Variants in CSN1S1 observed in about 807,000 individuals in gnomAD.
The protein encoded by CSN1S1 is casein alpha s1.
CSN1S1 carries 63 observed loss-of-function variants against 49.1 expected under a neutral mutation model. That is an observed-to-expected ratio of 1.28 (90% CI 1.05 to 1.58). The LOEUF (loss-of-function observed/expected upper bound fraction) is 1.58, where lower values mean the gene tolerates loss of function less well. Among genes scored for constraint, CSN1S1 ranks in the 40% most tolerant of loss-of-function variants. The pLI is 0.00. For synonymous variants in CSN1S1, 78 were observed against 67.1 expected, an observed-to-expected ratio of 1.16 and a Z score of -0.79; for missense variants, 260 against 224.7, an observed-to-expected ratio of 1.16 and a Z score of -1.01.
At position 69,940,050 on chromosome 4, in the gene CSN1S1, A is replaced by T. The variant is rs919002585; in HGVS notation, c.300+6A>T. 20 of 1,368,172 alleles carry T rather than the reference A, an allele frequency of 1.5e-5. No individual in the cohort carries two copies. In the African/African-American group the frequency reaches 2.1e-4, roughly 14 times the overall value. The allele number at this position is 1,368,172 out of a possible 1,614,324, so 84.8% of individuals were successfully genotyped here. ...TGTCTCTCAGTAAGTGTGCGGTAAGACATATTTGCTAAATTTAAAATATAT... is the reference window on the plus strand; with the variant it reads ...TGTCTCTCAGTAAGTGTGCGGTAAGTCATATTTGCTAAATTTAAAATATAT... On this transcript the variant is annotated splice_donor_region_variant and intron_variant, in intron 11 of 15. Coordinates refer to ENST00000246891, the MANE Select transcript of CSN1S1 (RefSeq NM_001890.2).
In CSN1S1 at chr4:69,934,238, C is replaced by T. The variant is rs1307806428; in HGVS notation, c.78C>T (p.Arg26=). The change falls in exon 3 of 16, where the codon CGC becomes CGT. Residue 26 remains arginine, a synonymous_variant. Coordinates refer to ENST00000246891, the MANE Select transcript of CSN1S1 (RefSeq NM_001890.2). ...AACTTCCTCTTAGATACCCAGAACG[C>T]CTTCAGGTAAATATTCTATTCTGCA... ...RPKLPLRYPE[R]LQNPSESSEP... is the part of the protein sequence containing the mutation. 2 of 1,610,594 alleles carry T rather than the reference C, an allele frequency of 1.2e-6. No individual in the cohort carries two copies. The highest frequency in any genetic ancestry group is 2.2e-5 in the East Asian group (1 of 44,694).
At chr4:69,942,660 T>C in intron 14 of CSN1S1, 83 bp downstream of exon 14, 1 of 1,080,890 alleles carries the variant, frequency 9.3e-7, no homozygotes. Context: ...CCCCTACTCT[T>C]GAAGAGATTT....
chr4:69,937,029 G>A, intron 7 of CSN1S1, 92 bp from the exon 8 acceptor site: 1 of 925,888 alleles, frequency 1.1e-6, no homozygotes, highest in East Asian at 2.7e-5. Context: ...TAGTAGAATT[G>A]GTATTGAGAG....
At chr4:69,934,785 A>G in intron 4 of CSN1S1, 75 bp downstream of exon 4, 1 of 1,307,366 alleles carries the variant, frequency 7.6e-7, no homozygotes, top group Non-Finnish European at 1.1e-6. Flanking sequence ...TGCATGTTGA[A>G]TGTCTTCTTC....
intron 11 of CSN1S1, 52 bp from the exon 12 acceptor site, chr4:69,940,967 G>A (rs1230779330): frequency 1.1e-6 from 1 of 903,278 alleles, no homozygotes; most frequent in Non-Finnish European, 1.7e-6. Flanking sequence ...AAAATGATGG[G>A]GTTGGACTGA....
rs114255652 is a variant in CSN1S1 at position 69,945,071 on chromosome 4, G to A, written c.557+67G>A. On this transcript the variant is annotated intron_variant, in intron 15 of 15. Transcript: ENST00000246891. The stretch of plus-strand genomic sequence containing the variant: ...GGAATGAAATAGAATAGCTTGGAGA[G>A]GATACCATAAGAACAGATTTAGATT... 6,403 of 1,531,400 alleles carry A rather than the reference G, an allele frequency of 4.2e-3. 220 individuals are homozygous for A. The African/African-American group carries it at 0.077, about 18-fold the overall frequency. The allele number at this position is 1,531,400 out of a possible 1,614,324, so 94.9% of individuals were successfully genotyped here. A position where few individuals can be genotyped will look rare whatever the true frequency, so the allele number is the denominator to read the frequency against.
At chr4:69,938,528 T>A (rs1452395575) in intron 9 of CSN1S1, among the ~76,000 whole-genome samples, 5 of 151,662 alleles carry the variant, frequency 3.3e-5, no homozygotes, top group Admixed American at 6.6e-5. Flanking sequence ...ACAATTATAT[T>A]TTTTTAAATG....
chr4:69,937,880 A>G, intron 9 of CSN1S1, 57 bp downstream of exon 9: 2 of 1,180,006 alleles, frequency 1.7e-6, no homozygotes, highest in Non-Finnish European at 1.2e-6. Flanking sequence ...TAGTATATGC[A>G]GCATGCTTCA....
At chr4:69,940,269 A>C (rs1722932920) in intron 11 of CSN1S1, among the ~76,000 whole-genome samples, 1 of 151,640 alleles carries the variant, frequency 6.6e-6, no homozygotes, top group African/African-American at 2.4e-5. Flanking sequence ...TATCCTTTTC[A>C]ATATCTGCTA....
chr4:69,939,940 G>T, intron 10 of CSN1S1, 81 bp from the exon 11 acceptor site: 2 of 828,126 alleles, frequency 2.4e-6, no homozygotes, highest in South Asian at 1.8e-5. Flanking sequence ...TTTAGTAATA[G>T]TTTTGTTGAT....
At chr4:69,932,718 A>G (rs2306995) in intron 2 of CSN1S1, 112 bp downstream of exon 2, 83,706 of 950,748 alleles carry the variant, frequency 0.088, 4,212 homozygotes, top group Middle Eastern at 0.18. Flanking sequence ...GATGATCTCT[A>G]ATTGGCCTCT....
intron 14 of CSN1S1, among the ~76,000 whole-genome samples, chr4:69,943,134 G>A (rs1001681043): frequency 3.4e-5 from 5 of 149,162 alleles, no homozygotes; most frequent in African/African-American, 7.4e-5. Context: ...GGGCCCCAAA[G>A]AATTACTTGG....
intron 13 of CSN1S1, among the ~76,000 whole-genome samples, chr4:69,942,279 T>A (rs1290204378): frequency 2.6e-5 from 4 of 151,880 alleles, no homozygotes; most frequent in African/African-American, 9.7e-5. Context: ...AAATGGTAGG[T>A]TATTATTTTT....
intron 8 of CSN1S1, 65 bp from the exon 9 acceptor site, chr4:69,937,735 A>G: frequency 8.0e-7 from 1 of 1,251,896 alleles, no homozygotes; most frequent in Non-Finnish European, 1.1e-6. Flanking sequence ...TTATTTGGTA[A>G]TCATTACTTT....
rs766772392 is a variant in CSN1S1, at chr4:69,946,493, T to TA, written c.*299dup. On this transcript the variant is annotated 3_prime_UTR_variant, in exon 16 of 16. Transcript: ENST00000246891. Reference sequence around the variant, plus strand: ...AAAAGTCTTTGAATTGCCAGTTCTGTAAGTGCCATCAATTAAAATAGTTTT... The same window carrying TA: ...AAAAGTCTTTGAATTGCCAGTTCTGTAAAGTGCCATCAATTAAAATAGTTTT... 8 of 182,756 alleles carry TA rather than the reference T, an allele frequency of 4.4e-5. No homozygotes were observed. The highest frequency in any genetic ancestry group is 7.9e-5 in the Non-Finnish European group (7 of 88,534). The allele number at this position is 182,756 out of a possible 1,614,324, so 11.3% of individuals were successfully genotyped here. A position where few individuals can be genotyped will look rare whatever the true frequency, so the allele number is the denominator to read the frequency against.
intron 12 of CSN1S1, 70 bp downstream of exon 12, chr4:69,941,130 TG>T (rs1405614539): frequency 1.5e-5 from 10 of 659,510 alleles, no homozygotes; most frequent in Non-Finnish European, 1.9e-5. Flanking sequence ...AATTTTAAAT[TG>T]GGGCCATTTC....
intron 12 of CSN1S1, 81 bp downstream of exon 12, chr4:69,941,141 C>T: frequency 1.6e-6 from 1 of 615,262 alleles, no homozygotes; most frequent in Non-Finnish European, 2.7e-6. Context: ...GGGGCCATTT[C>T]TAAATATATT....
In CSN1S1 at chr4:69,942,594, T is replaced by C; in HGVS notation, c.402+17T>C. ...GTCCAAGTGGTAATATTTTGCTTAA[T>C]ATATTACAAAACGATAATATTTTGT... is the stretch of plus-strand genomic sequence containing the variant. On this transcript the variant is annotated intron_variant, in intron 14 of 15. Transcript: ENST00000246891. 1.9e-6 allele frequency: 3 copies of C among 1,562,226 alleles called. No homozygotes were observed. Among genetic ancestry groups the C allele is most frequent in the Non-Finnish European group, 1.7e-6 (2 of 1,148,344 alleles).
intron 11 of CSN1S1, among the ~76,000 whole-genome samples, chr4:69,940,729 T>C (rs1009098316): frequency 6.6e-6 from 1 of 151,846 alleles, no homozygotes; most frequent in South Asian, 2.1e-4. Flanking sequence ...AAAAAAACAG[T>C]TTTAACTTTC....
Sources: gnomAD v4.1 joint callset for allele counts (sites outside exome capture counted in the v4.1 genomes callset) on GRCh38, gnomAD v4.1.1 for gene constraint, MANE v1.5 for transcripts, NCBI Gene and HGNC (gene_info 2026-07-23, HGNC 2026-07-21) for gene names.